RBFOX1: variants seen among roughly 807,000 people sequenced by gnomAD.
The protein encoded by RBFOX1 is RNA binding protein fox-1 homolog 1.
Under a neutral mutation model 57.7 loss-of-function variants are expected in RBFOX1, and 8 were observed. The observed-to-expected ratio is 0.14, with a 90% CI of 0.08 to 0.25. The LOEUF (loss-of-function observed/expected upper bound fraction) is 0.25. Ranked by LOEUF, RBFOX1 falls within the 10% of genes least tolerant of loss-of-function variation. The pLI, the probability that RBFOX1 is intolerant of heterozygous loss-of-function variation, is 1.00. For synonymous variants in RBFOX1, 326 were observed against 222.4 expected, an observed-to-expected ratio of 1.47 and a Z score of -4.15; for missense variants, 611 against 548.5, an observed-to-expected ratio of 1.11 and a Z score of -1.14.
intron 12 of RBFOX1, among the ~76,000 whole-genome samples, chr16:7,657,845 A>G (rs1342761739): frequency 5.3e-5 from 8 of 152,192 alleles, no homozygotes; most frequent in Non-Finnish European, 8.8e-5. Context: ...CCAACTCCCA[A>G]TTGATTGCCA....
intron 4 of RBFOX1, among the ~76,000 whole-genome samples, chr16:5,962,621 C>G (rs912276715): frequency 6.6e-6 from 1 of 152,068 alleles, no homozygotes; most frequent in Non-Finnish European, 1.5e-5. Flanking sequence ...ATTCACTGAG[C>G]AAATGTTGTT....
chr16:7,070,612 C>T (rs1372006222), intron 4 of RBFOX1, among the ~76,000 whole-genome samples: 2 of 152,122 alleles, frequency 1.3e-5, no homozygotes, highest in Non-Finnish European at 2.9e-5. Flanking sequence ...TTTTGATTAA[C>T]CTGGGTTTGC....
At chr16:6,311,158 T>C (rs112964276) in intron 1 of RBFOX1, among the ~76,000 whole-genome samples, 4,375 of 151,756 alleles carry the variant, frequency 0.029, 102 homozygotes, top group Middle Eastern at 0.1. Flanking sequence ...TAGCTGGACG[T>C]TGTGGTGGGC....
intron 3 of RBFOX1, among the ~76,000 whole-genome samples, chr16:5,807,064 G>T (rs1157281386): frequency 6.6e-6 from 1 of 152,152 alleles, no homozygotes; most frequent in Non-Finnish European, 1.5e-5. Context: ...CTGGCCCAGT[G>T]GGAAGATGAG....
chr16:6,696,903 G>T (rs375134295), intron 3 of RBFOX1, among the ~76,000 whole-genome samples: 82 of 152,266 alleles, frequency 5.4e-4, no homozygotes, highest in East Asian at 7.7e-4. Flanking sequence ...AATGGAGATT[G>T]CTGTCTTGCA....
At position 7,688,400 on chromosome 16, in the gene RBFOX1, G is replaced by T. The variant is rs4408561; in HGVS notation, c.995+11562G>T. On this transcript the variant is annotated intron_variant, in intron 14 of 15. Coordinates refer to ENST00000550418, the MANE Select transcript of RBFOX1 (RefSeq NM_018723.4). ...TAAGAAGCCAAATAATGAGAAGTGA[G>T]CAGAATCTTTGCCCATAAGACTTAA... is the stretch of plus-strand genomic sequence containing the variant. 3.2e-3 allele frequency among the ~76,000 whole-genome samples: 487 copies of T among 151,792 alleles called. 1 individual carries two copies. The highest frequency in any genetic ancestry group is 5.6e-3 in the Non-Finnish European group (382 of 67,898).
At chr16:6,192,047 G>T (rs2097145150) in intron 1 of RBFOX1, among the ~76,000 whole-genome samples, 1 of 152,164 alleles carries the variant, frequency 6.6e-6, no homozygotes, top group African/African-American at 2.4e-5. Context: ...TTACTTCTAG[G>T]CATAATTTTC....
At chr16:7,404,069 T>TTTTATTTTATTTTATTTTA (rs1568664431) in intron 4 of RBFOX1, among the ~76,000 whole-genome samples, 2 of 149,966 alleles carry the variant, frequency 1.3e-5, no homozygotes, top group Non-Finnish European at 3.0e-5. Flanking sequence ...TTTTATTTTA[T>TTTTATTTTATTTTATTTTA]TGAGACGGAG....
chr16:5,311,391 T>A (rs2064085296), intron 1 of RBFOX1, among the ~76,000 whole-genome samples: 2 of 152,236 alleles, frequency 1.3e-5, no homozygotes. Flanking sequence ...CTTGCTATCA[T>A]GACTTCTCTT....
intron 4 of RBFOX1, among the ~76,000 whole-genome samples, chr16:7,223,712 G>GAAAAAAAAAAAAAAAAAAAAAAA (rs71147673): frequency 7.7e-6 from 1 of 130,458 alleles, no homozygotes; most frequent in African/African-American, 2.7e-5. Context: ...CAGTGTTTCA[G>GAAAAAAAAAAAAAAAAAAAAAAA]AAAAAAAAAA....
chr16:5,803,683 T>C (rs943269975), intron 3 of RBFOX1, among the ~76,000 whole-genome samples: 1 of 152,210 alleles, frequency 6.6e-6, no homozygotes, highest in African/African-American at 2.4e-5. Context: ...GAGCATCTGC[T>C]GTATTTAAGG....
chr16:7,415,282 A>G (rs1466177431), intron 4 of RBFOX1, among the ~76,000 whole-genome samples: 1 of 152,204 alleles, frequency 6.6e-6, no homozygotes, highest in Non-Finnish European at 1.5e-5. Context: ...AATGACAGGT[A>G]CCACTGGCTA....
chr16:6,050,038 A>G (rs2095537004), intron 1 of RBFOX1, among the ~76,000 whole-genome samples: 1 of 149,476 alleles, frequency 6.7e-6, no homozygotes. Context: ...GGCTCACTGC[A>G]GCCTCTGACT....
chr16:7,033,064 G>T (rs964942841), intron 3 of RBFOX1, among the ~76,000 whole-genome samples: 4 of 152,104 alleles, frequency 2.6e-5, no homozygotes, highest in Non-Finnish European at 5.9e-5. Flanking sequence ...GTCTTCAGAA[G>T]GCAAGAAAGG....
chr16:6,075,770 G>C (rs190488962), intron 1 of RBFOX1, among the ~76,000 whole-genome samples: 1 of 152,108 alleles, frequency 6.6e-6, no homozygotes, highest in Admixed American at 6.6e-5. Flanking sequence ...ACTTCTAATC[G>C]GTCTCCATGT....
chr16:5,423,024 G>A (rs1331213627), intron 1 of RBFOX1, among the ~76,000 whole-genome samples: 1 of 120,528 alleles, frequency 8.3e-6, no homozygotes, highest in Non-Finnish European at 1.8e-5. Context: ...AGGAGAGGGA[G>A]GAAGGGGAGG....
At chr16:5,758,857 A>T (rs2053489037) in intron 3 of RBFOX1, among the ~76,000 whole-genome samples, 1 of 152,152 alleles carries the variant, frequency 6.6e-6, no homozygotes, top group Non-Finnish European at 1.5e-5. Context: ...TTAATGTCCC[A>T]CTGTGGCAAA....
At chr16:5,543,677 C>T (rs1370245734) in intron 2 of RBFOX1, among the ~76,000 whole-genome samples, 1 of 151,994 alleles carries the variant, frequency 6.6e-6, no homozygotes, top group African/African-American at 2.4e-5. Flanking sequence ...AACCCAGAGA[C>T]CTAAGAAACT....
chr16:7,499,256 G>C (rs2069792045), intron 4 of RBFOX1, among the ~76,000 whole-genome samples: 1 of 152,150 alleles, frequency 6.6e-6, no homozygotes, highest in Non-Finnish European at 1.5e-5. Context: ...GGCATCCCTT[G>C]AGTTGTAGAA....
Sources: allele counts gnomAD v4.1 joint callset (sites outside exome capture counted in the v4.1 genomes callset), GRCh38; gene constraint gnomAD v4.1.1; transcripts MANE v1.5; gene names NCBI Gene and HGNC (gene_info 2026-07-23, HGNC 2026-07-21).